Variants in SLC24A2 observed in about 807,000 individuals in gnomAD.
SLC24A2 encodes the protein solute carrier family 24 member 2.
A neutral mutation model predicts 62.0 loss-of-function variants in SLC24A2; 36 were observed. The observed-to-expected ratio is 0.58, with a 90% CI of 0.44 to 0.77. The LOEUF (loss-of-function observed/expected upper bound fraction) is 0.77, where lower values mean the gene tolerates loss of function less well. SLC24A2 is among the 30% of genes least tolerant of loss of function. The pLI is 0.00. For missense variants in SLC24A2, 846 were observed against 817.9 expected (o/e 1.03, Z -0.42); for synonymous variants, 358 against 294.0 (o/e 1.22, Z -2.23).
intron 7 of SLC24A2, among the ~76,000 whole-genome samples, chr9:19,564,340 A>G (rs1053410598): frequency 1.3e-5 from 2 of 152,220 alleles, no homozygotes; most frequent in African/African-American, 4.8e-5. Flanking sequence ...ATGAGGCTTT[A>G]TAAAAGCAGA....
the SLC24A2 span, among the ~76,000 whole-genome samples, chr9:19,832,640 A>G: frequency 1.3e-5 from 2 of 152,206 alleles, no homozygotes; most frequent in African/African-American, 4.8e-5. Flanking sequence ...TAAAAACCCT[A>G]GAAGAAAACC....
the SLC24A2 span, among the ~76,000 whole-genome samples, chr9:20,210,741 T>G: frequency 2.8e-5 from 4 of 142,012 alleles, no homozygotes; most frequent in Non-Finnish European, 6.0e-5. Flanking sequence ...CCTGACCTCA[T>G]GATCCACTGG....
intron 7 of SLC24A2, among the ~76,000 whole-genome samples, chr9:19,567,945 G>A (rs1051141196): frequency 5.9e-5 from 9 of 152,202 alleles, no homozygotes; most frequent in South Asian, 2.1e-4. Context: ...GAAACCTCTC[G>A]GAGATGAGGT....
chr9:19,599,204 T>C lies in SLC24A2; in HGVS notation c.1079-1925A>G, dbSNP rs1836782085. Among the ~76,000 whole-genome samples, 1 of 152,214 alleles carries C rather than the reference T, an allele frequency of 6.6e-6. No individual in the cohort carries two copies. Among genetic ancestry groups the C allele is most frequent in the African/African-American group, 2.4e-5 (1 of 41,450 alleles). On this transcript the variant is annotated intron_variant, in intron 4 of 10. Transcript: ENST00000341998. This position sits in a 1 kb window ranked among gnomAD's most constrained non-coding sequence, Gnocchi z 4.5. ...AAATAAATACATTCATATTGTTTAA[T>C]TATCATTTTATTTGTACATAGTTGG...
chr9:19,653,244 T>C (rs949237601), intron 2 of SLC24A2, among the ~76,000 whole-genome samples: 1 of 152,228 alleles, frequency 6.6e-6, no homozygotes, highest in Non-Finnish European at 1.5e-5. Flanking sequence ...GCCAGAAGTG[T>C]GTCCACACTC....
the SLC24A2 span, among the ~76,000 whole-genome samples, chr9:20,218,452 G>GCTTGTGTCGGAATGTGTGTC: frequency 4.6e-5 from 7 of 152,072 alleles, no homozygotes; most frequent in African/African-American, 1.7e-4. Context: ...ACGTGTGTCT[G>GCTTGTGTCGGAATGTGTGTC]CTTGTGTCGG....
chr9:19,842,783 G>T, the SLC24A2 span, among the ~76,000 whole-genome samples: 1 of 152,148 alleles, frequency 6.6e-6, no homozygotes, highest in East Asian at 1.9e-4. Context: ...CCTTCTATCT[G>T]ACAGTCCCCC....
the SLC24A2 span, among the ~76,000 whole-genome samples, chr9:20,003,215 A>C: frequency 6.6e-6 from 1 of 152,202 alleles, no homozygotes; most frequent in Non-Finnish European, 1.5e-5. Flanking sequence ...TGAACACGTA[A>C]CACACTTATA....
the SLC24A2 span, among the ~76,000 whole-genome samples, chr9:19,883,697 C>T: frequency 6.6e-5 from 10 of 152,184 alleles, no homozygotes; most frequent in African/African-American, 2.4e-4. Context: ...TCCTGAGTAG[C>T]TGGGACTACA....
the SLC24A2 span, among the ~76,000 whole-genome samples, chr9:20,073,919 GATAT>G: frequency 6.3e-4 from 88 of 140,762 alleles, no homozygotes; most frequent in East Asian, 3.7e-3. Context: ...CTTGTGGGGA[GATAT>G]ATATATATAT....
chr9:19,541,181 C>T (rs868222568), intron 8 of SLC24A2, among the ~76,000 whole-genome samples: 3,458 of 129,678 alleles, frequency 0.027, 162 homozygotes, highest in African/African-American at 0.097. Flanking sequence ...GTAATTTGAT[C>T]GTCTGAAGCC....
At chr9:19,692,102 T>C (rs1820061712) in intron 2 of SLC24A2, among the ~76,000 whole-genome samples, 1 of 152,170 alleles carries the variant, frequency 6.6e-6, no homozygotes, top group Non-Finnish European at 1.5e-5. Flanking sequence ...AACCTATCTG[T>C]AAAAGCAGTA....
At chr9:20,164,472 AG>A in the SLC24A2 span, among the ~76,000 whole-genome samples, 1 of 152,016 alleles carries the variant, frequency 6.6e-6, no homozygotes, top group Admixed American at 6.6e-5. Context: ...ATCATTAAAA[AG>A]TCAGGAAACA....
chr9:19,667,616 T>C (rs887189434), intron 2 of SLC24A2, among the ~76,000 whole-genome samples: 1 of 152,160 alleles, frequency 6.6e-6, no homozygotes, highest in African/African-American at 2.4e-5. Context: ...ATGGGAGCTT[T>C]CTAAATTGCC....
At chr9:19,593,828 T>C (rs1256523894) in intron 5 of SLC24A2, among the ~76,000 whole-genome samples, 2 of 152,122 alleles carry the variant, frequency 1.3e-5, no homozygotes, top group Non-Finnish European at 2.9e-5. Context: ...CAGAACAAAT[T>C]AGTCTGCTTC....
Position 19,714,358 on chromosome 9 carries a change from T to G in SLC24A2, c.930+71579A>C, listed in dbSNP as rs1370446736. 2.6e-5 allele frequency among the ~76,000 whole-genome samples: 4 copies of G among 152,216 alleles called. No homozygotes were observed. The South Asian group carries it at 6.2e-4, about 24-fold the overall frequency. On this transcript the variant is annotated intron_variant, in intron 2 of 10. Transcript: ENST00000341998. ...ATAAAGGCAGCATCCCAAGCCTGCC[T>G]TGTAAAAAAACTGACTGCTGAATCA...
the SLC24A2 span, among the ~76,000 whole-genome samples, chr9:20,252,029 T>A: frequency 6.6e-6 from 1 of 152,212 alleles, no homozygotes; most frequent in East Asian, 1.9e-4. Flanking sequence ...CCTAGACCAA[T>A]CACTGTCAAA....
At chr9:20,115,331 A>C in the SLC24A2 span, among the ~76,000 whole-genome samples, 1 of 152,136 alleles carries the variant, frequency 6.6e-6, no homozygotes, top group Non-Finnish European at 1.5e-5. Flanking sequence ...GATTTCGGGC[A>C]GGAGATTGAA....
At chr9:19,770,060 G>A (rs889173307) in intron 2 of SLC24A2, among the ~76,000 whole-genome samples, 1 of 151,048 alleles carries the variant, frequency 6.6e-6, no homozygotes, top group Admixed American at 6.6e-5. Flanking sequence ...AGCAAATGCA[G>A]TCTATATTGT....
Sources: allele counts gnomAD v4.1 joint callset (sites outside exome capture counted in the v4.1 genomes callset), GRCh38; gene constraint gnomAD v4.1.1; non-coding constraint Gnocchi (gnomAD v3.1); transcripts MANE v1.5; gene names NCBI Gene and HGNC (gene_info 2026-07-23, HGNC 2026-07-21).